CNTNAP2: variants seen among roughly 807,000 people sequenced by gnomAD.
The protein encoded by CNTNAP2 is contactin-associated protein-like 2.
CNTNAP2 carries 98 observed loss-of-function variants against 155.2 expected under a neutral mutation model. The observed-to-expected ratio is 0.63, with a 90% confidence interval of 0.54 to 0.75. The LOEUF (loss-of-function observed/expected upper bound fraction) is 0.75. Among genes scored for constraint, CNTNAP2 ranks in the 30% least tolerant of loss-of-function variants. The probability of loss-of-function intolerance (pLI) is 0.00; values close to 1 mark genes in which losing one functional copy is unlikely to be tolerated. For missense variants in CNTNAP2, 1,727 were observed against 1,688.1 expected (o/e 1.02, Z -0.40); for synonymous variants, 651 against 631.2 (o/e 1.03, Z -0.47).
intron 18 of CNTNAP2, among the ~76,000 whole-genome samples, chr7:148,198,714 C>G (rs1260699874): frequency 1.3e-5 from 2 of 152,190 alleles, no homozygotes; most frequent in Non-Finnish European, 2.9e-5. Context: ...TTGGTTAAAG[C>G]TTCATAGGAT....
chr7:147,354,963 T>G (rs1796037832), intron 9 of CNTNAP2, among the ~76,000 whole-genome samples: 1 of 152,138 alleles, frequency 6.6e-6, no homozygotes, highest in Admixed American at 6.6e-5. Context: ...ATAGAAATGC[T>G]TGTGATTTTG....
intron 13 of CNTNAP2, among the ~76,000 whole-genome samples, chr7:147,776,621 A>T (rs1187140669): frequency 6.6e-6 from 1 of 152,170 alleles, no homozygotes; most frequent in Non-Finnish European, 1.5e-5. Flanking sequence ...ATTTTCAAGG[A>T]TGATATTTCA....
intron 13 of CNTNAP2, among the ~76,000 whole-genome samples, chr7:147,749,957 T>A (rs370622635): frequency 6.6e-6 from 1 of 152,244 alleles, no homozygotes; most frequent in East Asian, 1.9e-4. Flanking sequence ...TATTTATCAA[T>A]GAGATCTTTA....
intron 1 of CNTNAP2, among the ~76,000 whole-genome samples, chr7:146,239,681 A>G (rs975340686): frequency 4.6e-5 from 7 of 151,920 alleles, no homozygotes; most frequent in African/African-American, 1.7e-4. Flanking sequence ...AATGTCTTAT[A>G]CTTATGTATA....
At chr7:147,432,047 C>A (rs772710609) in intron 10 of CNTNAP2, among the ~76,000 whole-genome samples, 8 of 152,306 alleles carry the variant, frequency 5.3e-5, no homozygotes, top group Admixed American at 1.3e-4. Flanking sequence ...GACCTGCGCC[C>A]CTTGTTTTCT....
At chr7:146,682,117 GA>G (rs1800515242) in intron 1 of CNTNAP2, among the ~76,000 whole-genome samples, 1 of 144,364 alleles carries the variant, frequency 6.9e-6, no homozygotes, top group Admixed American at 6.7e-5. Flanking sequence ...TATGAAAACA[GA>G]AAGTAAATTT....
At chr7:148,399,247 GC>G (rs1270303370) in intron 22 of CNTNAP2, among the ~76,000 whole-genome samples, 9 of 152,246 alleles carry the variant, frequency 5.9e-5, no homozygotes, top group African/African-American at 2.2e-4. Context: ...AGCAGAACCA[GC>G]AGTAAGAATG....
At chr7:148,190,670 A>G (rs1562989592) in intron 18 of CNTNAP2, 1 of 152,224 alleles carries the variant, frequency 6.6e-6, no homozygotes, top group Non-Finnish European at 1.5e-5. Context: ...CAGGGAAGCC[A>G]GCAGCATGGC....
intron 21 of CNTNAP2, among the ~76,000 whole-genome samples, chr7:148,349,633 C>T (rs1349744280): frequency 6.6e-6 from 1 of 152,038 alleles, no homozygotes; most frequent in Admixed American, 6.6e-5. Context: ...GATCTCCTGA[C>T]CTCGTGATCC....
chr7:147,803,115 T>G (rs932883719), intron 13 of CNTNAP2, among the ~76,000 whole-genome samples: 1 of 152,156 alleles, frequency 6.6e-6, no homozygotes, highest in Non-Finnish European at 1.5e-5. Flanking sequence ...CTACAGTTAT[T>G]TGAGAGAAAG....
intron 11 of CNTNAP2, among the ~76,000 whole-genome samples, chr7:147,490,308 A>G (rs942291950): frequency 4.6e-5 from 7 of 152,330 alleles, no homozygotes; most frequent in African/African-American, 1.7e-4. Context: ...AAGCAAAAGT[A>G]AAATTTTTTC....
rs1321203502 is a variant in CNTNAP2, at chr7:146,662,561, A to C, written c.98-111710A>C. On this transcript the variant is annotated intron_variant, in intron 1 of 23. Coordinates refer to ENST00000361727, the MANE Select transcript of CNTNAP2 (RefSeq NM_014141.6). Reference sequence around the variant, plus strand: ...GTTTTTTTGCAAATATTTTCCCCACACTGTGGTTTATTTTTTATATTTTAA... The same window carrying C: ...GTTTTTTTGCAAATATTTTCCCCACCCTGTGGTTTATTTTTTATATTTTAA... Among the ~76,000 whole-genome samples the C allele has an allele frequency of 2.0e-5, 3 of 151,926 alleles. No individual in the cohort carries two copies. The East Asian group carries it at 5.8e-4, about 29-fold the overall frequency.
At chr7:148,304,312 A>G (rs1459175509) in intron 21 of CNTNAP2, among the ~76,000 whole-genome samples, 1 of 152,180 alleles carries the variant, frequency 6.6e-6, no homozygotes, top group Non-Finnish European at 1.5e-5. Context: ...ATACATATTA[A>G]CACTTCTTTT....
At chr7:147,148,806 A>G (rs1209159368) in intron 8 of CNTNAP2, among the ~76,000 whole-genome samples, 2 of 151,916 alleles carry the variant, frequency 1.3e-5, no homozygotes, top group Non-Finnish European at 2.9e-5. Context: ...TGAAGCCGCA[A>G]ACCTTTGCAG....
chr7:148,096,051 C>T (rs1307609432), intron 15 of CNTNAP2, among the ~76,000 whole-genome samples: 1 of 152,144 alleles, frequency 6.6e-6, no homozygotes, highest in African/African-American at 2.4e-5. Context: ...GTTATTTTTA[C>T]TAAGTACTTT....
chr7:147,134,166 G>A (rs1801432558), intron 8 of CNTNAP2, among the ~76,000 whole-genome samples: 3 of 151,894 alleles, frequency 2.0e-5, no homozygotes, highest in Admixed American at 2.0e-4. Context: ...CATGTAACAG[G>A]AGCCAATATA....
intron 3 of CNTNAP2, among the ~76,000 whole-genome samples, chr7:146,903,739 G>C (rs753423283): frequency 6.6e-6 from 1 of 152,134 alleles, no homozygotes; most frequent in South Asian, 2.1e-4. Flanking sequence ...GCAAAGAGAA[G>C]ATATTAATCA....
intron 3 of CNTNAP2, among the ~76,000 whole-genome samples, chr7:146,931,194 C>T (rs1039535881): frequency 2.6e-5 from 4 of 151,996 alleles, no homozygotes; most frequent in African/African-American, 9.7e-5. Context: ...AAGTAAAGCT[C>T]TCCTCAGCAA....
chr7:148,321,221 G>A (rs1293322413), intron 21 of CNTNAP2, among the ~76,000 whole-genome samples: 1 of 152,124 alleles, frequency 6.6e-6, no homozygotes, highest in East Asian at 1.9e-4. Flanking sequence ...TTTTCAAACA[G>A]TGGAGTACAG....
Sources: gnomAD v4.1 joint callset for allele counts (sites outside exome capture counted in the v4.1 genomes callset) on GRCh38, gnomAD v4.1.1 for gene constraint, MANE v1.5 for transcripts, NCBI Gene and HGNC (gene_info 2026-07-23, HGNC 2026-07-21) for gene names.